TTC3: variants seen among roughly 807,000 people sequenced by gnomAD.
TTC3 encodes the protein E3 ubiquitin-protein ligase TTC3.
Under a neutral mutation model 249.6 loss-of-function variants are expected in TTC3, and 180 were observed. The observed-to-expected ratio is 0.72, with a 90% CI of 0.64 to 0.82. The LOEUF (loss-of-function observed/expected upper bound fraction) is 0.82, where lower values mean the gene tolerates loss of function less well. TTC3 is among the 40% of genes least tolerant of loss of function. The probability of loss-of-function intolerance (pLI) is 0.00; values close to 1 mark genes in which losing one functional copy is unlikely to be tolerated. For synonymous variants in TTC3, 717 were observed against 805.0 expected (o/e 0.89, Z 1.85); for missense variants, 2,061 against 2,398.4 (o/e 0.86, Z 2.94).
chr21:37,157,159 A>C (rs1419754984), intron 28 of TTC3: 2 of 1,399,366 alleles, frequency 1.4e-6, no homozygotes, highest in Non-Finnish European at 1.9e-6. Context: ...TTCCCGTCTT[A>C]GATATTTTCA....
Position 37,097,769 on chromosome 21 carries a change from G to T in TTC3, c.845+1126G>T, listed in dbSNP as rs1234705279. ...GTTTCACAAATACTTTTTTTGTGAA[G>T]TTTTCTCATGAAAGCTGAGAGTCTG... is the stretch of plus-strand genomic sequence containing the variant. On this transcript the variant is annotated intron_variant, in intron 10 of 45. Transcript: ENST00000355666. 4 of 518,416 alleles carry T rather than the reference G, an allele frequency of 7.7e-6. No individual in the cohort carries two copies. In the South Asian group the frequency reaches 1.1e-4, roughly 15 times the overall value. 32.1% of individuals were successfully genotyped at this position (518,416 alleles called of 1,614,324 possible).
At chr21:37,169,652 C>T (rs1307092792) in intron 34 of TTC3, among the ~76,000 whole-genome samples, 1 of 96 alleles carries the variant, frequency 0.01, no homozygotes, top group Non-Finnish European at 0.028. Context: ...AGTTTGAGAC[C>T]AGCTGGCCAA....
At chr21:37,133,346 CT>C (rs2077637001) in intron 17 of TTC3, among the ~76,000 whole-genome samples, 1 of 152,032 alleles carries the variant, frequency 6.6e-6, no homozygotes, top group African/African-American at 2.4e-5. Flanking sequence ...ACATGTGGAT[CT>C]TTTTTTAGGT....
chr21:37,083,870 T>C (rs1428483472), intron 1 of TTC3: 1 of 152,164 alleles, frequency 6.6e-6, no homozygotes, highest in Non-Finnish European at 1.5e-5. Context: ...AAGCCATTGT[T>C]TACTGCAGTG....
At chr21:37,106,841 G>T (rs2075125529) in intron 10 of TTC3, among the ~76,000 whole-genome samples, 1 of 152,200 alleles carries the variant, frequency 6.6e-6, no homozygotes, top group Admixed American at 6.5e-5. Context: ...AGGCTGTAGT[G>T]AGAGGGACTG....
chr21:37,134,368 T>C (rs959698444), intron 17 of TTC3, among the ~76,000 whole-genome samples: 15 of 151,992 alleles, frequency 9.9e-5, no homozygotes, highest in Non-Finnish European at 2.1e-4. Flanking sequence ...GGAGAATCGC[T>C]TGAACCCCGA....
chr21:37,146,403 C>T (rs757789425), intron 21 of TTC3, among the ~76,000 whole-genome samples: 2 of 152,060 alleles, frequency 1.3e-5, no homozygotes, highest in Admixed American at 6.5e-5. Context: ...CCTGTAGTCC[C>T]AGCTACTCAG....
Position 37,135,412 on chromosome 21 carries a change from C to CT in TTC3, c.1478dup (p.Leu493PhefsTer42). The stretch of plus-strand genomic sequence containing the variant: ...CTAATATAATGAAAATGCTGAGAAG[C>CT]TTAATTCAAGATGGCTATATGGCCT... On this transcript the variant is annotated frameshift_variant, in exon 18 of 46. Transcript: ENST00000355666. LOFTEE classifies it high-confidence loss of function. The CT allele has an allele frequency of 6.2e-7, 1 of 1,613,544 alleles. No homozygotes were observed. Among genetic ancestry groups the CT allele is most frequent in the Non-Finnish European group, 8.5e-7 (1 of 1,179,624 alleles).
intron 16 of TTC3, among the ~76,000 whole-genome samples, chr21:37,129,967 T>C (rs1049091089): frequency 6.6e-6 from 1 of 152,180 alleles, no homozygotes; most frequent in African/African-American, 2.4e-5. Flanking sequence ...TAACACCCCA[T>C]TGACAACAAG....
At chr21:37,150,307 T>C (rs1028253322) in intron 24 of TTC3, 137 bp downstream of exon 24, 17 of 671,414 alleles carry the variant, frequency 2.5e-5, no homozygotes, top group East Asian at 1.7e-4. Context: ...TAAGAAAATA[T>C]AGGAAATACT....
At chr21:37,167,326 A>C (rs1301483284) in intron 33 of TTC3, among the ~76,000 whole-genome samples, 1 of 152,166 alleles carries the variant, frequency 6.6e-6, no homozygotes, top group African/African-American at 2.4e-5. Flanking sequence ...GTTTTCTAGG[A>C]AGCTTTGAAA....
chr21:37,175,681 G>A (rs2082208759), intron 35 of TTC3, among the ~76,000 whole-genome samples: 1 of 151,872 alleles, frequency 6.6e-6, no homozygotes, highest in South Asian at 2.1e-4. Flanking sequence ...TAGCTGATGG[G>A]GTTCTATTAT....
intron 20 of TTC3, among the ~76,000 whole-genome samples, chr21:37,143,190 G>C (rs1174445211): frequency 6.6e-6 from 1 of 152,132 alleles, no homozygotes; most frequent in African/African-American, 2.4e-5. Flanking sequence ...GCATGGGTAA[G>C]GACTTCATGT....
intron 30 of TTC3, 98 bp from the exon 31 acceptor site, chr21:37,161,892 T>C (rs2080791734): frequency 1.4e-6 from 1 of 731,596 alleles, no homozygotes; most frequent in East Asian, 2.9e-5. Context: ...GCAATTTGTA[T>C]GTGTGTTTAT....
chr21:37,196,604 C>A (rs1487558847), intron 42 of TTC3, among the ~76,000 whole-genome samples: 2 of 152,134 alleles, frequency 1.3e-5, no homozygotes, highest in Non-Finnish European at 2.9e-5. Context: ...TTCATCAGAA[C>A]CCATGACAAT....
At chr21:37,167,426 G>A in intron 33 of TTC3, 129 bp from the exon 34 acceptor site, 1 of 557,778 alleles carries the variant, frequency 1.8e-6, no homozygotes, top group Non-Finnish European at 3.1e-6. Context: ...GGAAAGCATG[G>A]AACATGATCT....
intron 34 of TTC3, among the ~76,000 whole-genome samples, chr21:37,172,319 T>C (rs1483291283): frequency 6.6e-6 from 1 of 152,202 alleles, no homozygotes; most frequent in African/African-American, 2.4e-5. Context: ...GTTGATCTGG[T>C]ATTGAACCCT....
At chr21:37,166,370 G>A (rs1254574349) in exon 33 of TTC3, 2 of 1,614,064 alleles carry the variant, frequency 1.2e-6, no homozygotes, top group Non-Finnish European at 1.7e-6. Flanking sequence ...TGCCTATTTT[G>A]AGGGTCATCA....
At chr21:37,195,897 G>C in exon 42 of TTC3, 1 of 1,614,256 alleles carries the variant, frequency 6.2e-7, no homozygotes, top group Non-Finnish European at 8.5e-7. Flanking sequence ...TGGCCAGGCA[G>C]CTCTGTCAGA....
Sources: gnomAD v4.1 joint callset for allele counts (sites outside exome capture counted in the v4.1 genomes callset) on GRCh38, gnomAD v4.1.1 for gene constraint, MANE v1.5 for transcripts, NCBI Gene and HGNC (gene_info 2026-07-23, HGNC 2026-07-21) for gene names.